PTPN13: variants seen among roughly 807,000 people sequenced by gnomAD.
PTPN13 encodes protein tyrosine phosphatase non-receptor type 13, also known as tyrosine-protein phosphatase non-receptor type 13.
A neutral mutation model predicts 284.0 loss-of-function variants in PTPN13; 191 were observed. That is an observed-to-expected ratio of 0.67 (90% CI 0.60 to 0.76). PTPN13 has a LOEUF of 0.76. PTPN13 is among the 30% of genes least tolerant of loss of function. The pLI is 0.00. For synonymous variants in PTPN13, 986 were observed against 1,022.3 expected, an observed-to-expected ratio of 0.96 and a Z score of 0.68; for missense variants, 2,797 against 2,939.9, an observed-to-expected ratio of 0.95 and a Z score of 1.12.
At chr4:86,775,742 G>C (rs1350773422) in intron 35 of PTPN13, 90 bp downstream of exon 35, 1 of 1,024,500 alleles carries the variant, frequency 9.8e-7, no homozygotes, top group Non-Finnish European at 1.4e-6. Context: ...ATATATTACT[G>C]AATTAGTAAT....
intron 4 of PTPN13, among the ~76,000 whole-genome samples, chr4:86,687,790 T>C (rs1269791401): frequency 3.9e-5 from 6 of 152,120 alleles, no homozygotes; most frequent in Non-Finnish European, 7.4e-5. Context: ...CTTTATGTTC[T>C]TTTCTGATAA....
chr4:86,609,025 A>G (rs1396548946), intron 1 of PTPN13, among the ~76,000 whole-genome samples: 1 of 152,174 alleles, frequency 6.6e-6, no homozygotes, highest in Non-Finnish European at 1.5e-5. Context: ...AAAAGTTTCT[A>G]AATTTTAGTT....
intron 24 of PTPN13, among the ~76,000 whole-genome samples, chr4:86,763,409 C>G (rs967512030): frequency 2.6e-5 from 4 of 152,178 alleles, no homozygotes; most frequent in African/African-American, 9.7e-5. Context: ...AACTTGCTAT[C>G]TAATAACCCA....
chr4:86,753,922 G>A (rs1737692130), intron 20 of PTPN13, among the ~76,000 whole-genome samples: 1 of 152,028 alleles, frequency 6.6e-6, no homozygotes, highest in Non-Finnish European at 1.5e-5. Context: ...TGATGAAGTT[G>A]TAAATTTAGT....
At chr4:86,639,013 A>G (rs1369626163) in intron 2 of PTPN13, among the ~76,000 whole-genome samples, 2 of 151,852 alleles carry the variant, frequency 1.3e-5, no homozygotes, top group African/African-American at 2.4e-5. Context: ...AAAAGTGGGC[A>G]AAGGATATGA....
intron 7 of PTPN13, among the ~76,000 whole-genome samples, chr4:86,706,192 G>A (rs926741257): frequency 6.6e-6 from 1 of 152,064 alleles, no homozygotes; most frequent in African/African-American, 2.4e-5. Context: ...GTTTGCCAAA[G>A]GAGATACATA....
chr4:86,635,458 T>A lies in PTPN13; in HGVS notation c.115+87T>A, dbSNP rs996831977. The stretch of plus-strand genomic sequence containing the variant: ...GATACAGGGTCAGAGATTAGATTTT[T>A]GTTTCATTATTCCTGTGCCTTTGGC... On this transcript the variant is annotated intron_variant, in intron 2 of 47. Transcript: ENST00000411767. 5 of 1,511,652 alleles carry A rather than the reference T, an allele frequency of 3.3e-6. No homozygotes were observed. The African/African-American group carries it at 6.9e-5, about 21-fold the overall frequency. The allele number at this position is 1,511,652 out of a possible 1,614,324, so 93.6% of individuals were successfully genotyped here.
intron 7 of PTPN13, among the ~76,000 whole-genome samples, chr4:86,705,333 CAAAA>C (rs759784072): frequency 2.1e-5 from 2 of 95,382 alleles, no homozygotes; most frequent in Admixed American, 1.2e-4. Flanking sequence ...GACTCCGTCT[CAAAA>C]AAAAAAAAAA....
At chr4:86,763,564 AG>A (rs1440638856) in intron 24 of PTPN13, among the ~76,000 whole-genome samples, 1 of 152,228 alleles carries the variant, frequency 6.6e-6, no homozygotes, top group East Asian at 1.9e-4. Flanking sequence ...CACTATTTAT[AG>A]TCTAAATTCT....
intron 2 of PTPN13, among the ~76,000 whole-genome samples, chr4:86,665,120 A>G (rs1212486815): frequency 6.6e-6 from 1 of 152,206 alleles, no homozygotes; most frequent in Non-Finnish European, 1.5e-5. Flanking sequence ...TTCTGGAAGT[A>G]CATAACAAAA....
intron 3 of PTPN13, among the ~76,000 whole-genome samples, chr4:86,673,452 A>G (rs1727936265): frequency 6.6e-6 from 1 of 152,080 alleles, no homozygotes; most frequent in South Asian, 2.1e-4. Context: ...GTGATTGGGG[A>G]ATGGTTGGTT....
At chr4:86,677,076 G>A (rs928256912) in intron 3 of PTPN13, among the ~76,000 whole-genome samples, 2 of 151,908 alleles carry the variant, frequency 1.3e-5, no homozygotes, top group East Asian at 2.0e-4. Flanking sequence ...GACCATCCTG[G>A]CTAACACGGT....
At chr4:86,667,425 CAA>C (rs1227119376) in intron 2 of PTPN13, among the ~76,000 whole-genome samples, 1 of 151,720 alleles carries the variant, frequency 6.6e-6, no homozygotes, top group Non-Finnish European at 1.5e-5. Context: ...TAAGTAGTAA[CAA>C]AACTTTTGAG....
At chr4:86,692,200 T>C (rs2148970123) in intron 5 of PTPN13, among the ~76,000 whole-genome samples, 1 of 152,336 alleles carries the variant, frequency 6.6e-6, no homozygotes, top group South Asian at 2.1e-4. Flanking sequence ...ACAACAGTTA[T>C]TAATAGTAAC....
At chr4:86,687,463 G>C (rs571616557) in intron 4 of PTPN13, among the ~76,000 whole-genome samples, 1 of 152,180 alleles carries the variant, frequency 6.6e-6, no homozygotes, top group East Asian at 1.9e-4. Flanking sequence ...ATAACATATA[G>C]AATTAGGTTT....
intron 37 of PTPN13, 24 bp downstream of exon 37, chr4:86,782,286 C>A (rs1166751942): frequency 6.5e-7 from 1 of 1,548,606 alleles, no homozygotes; most frequent in Non-Finnish European, 8.9e-7. Flanking sequence ...CACCCTCTTT[C>A]ATGTCATACC....
chr4:86,628,541 G>C (rs1208451189), intron 1 of PTPN13, among the ~76,000 whole-genome samples: 3 of 128,570 alleles, frequency 2.3e-5, no homozygotes, highest in Non-Finnish European at 4.8e-5. Flanking sequence ...TAGGGTACAT[G>C]TGCACATTGT....
chr4:86,731,831 AG>A (rs1193539087), intron 10 of PTPN13, among the ~76,000 whole-genome samples: 7 of 152,096 alleles, frequency 4.6e-5, no homozygotes, highest in Non-Finnish European at 7.4e-5. Flanking sequence ...TTGTAGAAAC[AG>A]GGTCTAACTA....
At chr4:86,635,037 A>C (rs2148720772) in intron 1 of PTPN13, among the ~76,000 whole-genome samples, 1 of 152,190 alleles carries the variant, frequency 6.6e-6, no homozygotes, top group East Asian at 1.9e-4. Context: ...TCTGAAGTTG[A>C]CCGTGTTGGG....
Sources: gnomAD v4.1 joint callset for allele counts (sites outside exome capture counted in the v4.1 genomes callset) on GRCh38, gnomAD v4.1.1 for gene constraint, MANE v1.5 for transcripts, NCBI Gene and HGNC (gene_info 2026-07-23, HGNC 2026-07-21) for gene names.